SCFD2: variants seen among roughly 807,000 people sequenced by gnomAD.
SCFD2 encodes sec1 family domain containing 2, also known as sec1 family domain-containing protein 2.
In SCFD2, 54 loss-of-function variants were observed where a neutral mutation model predicts 58.9. The observed-to-expected ratio is 0.92, with a 90% CI of 0.74 to 1.15. SCFD2 has a LOEUF of 1.15. SCFD2 is among the 50% of genes most tolerant of loss of function. The pLI, the probability that SCFD2 is intolerant of heterozygous loss-of-function variation, is 0.00. For missense variants in SCFD2, 805 were observed against 836.6 expected (o/e 0.96, Z 0.47); for synonymous variants, 321 against 335.9 (o/e 0.96, Z 0.49).
intron 5 of SCFD2, among the ~76,000 whole-genome samples, chr4:53,121,571 T>C (rs1338955038): frequency 6.6e-6 from 1 of 152,206 alleles, no homozygotes; most frequent in Non-Finnish European, 1.5e-5. Flanking sequence ...ATTGGGAACA[T>C]GCTGTTATGG....
chr4:53,307,304 T>C (rs1372078724), intron 3 of SCFD2, among the ~76,000 whole-genome samples: 2 of 152,214 alleles, frequency 1.3e-5, no homozygotes, highest in Non-Finnish European at 2.9e-5. Context: ...ATAAATAGCA[T>C]GCTTAGACAT....
intron 6 of SCFD2, among the ~76,000 whole-genome samples, chr4:52,916,669 C>T (rs1242474846): frequency 6.6e-6 from 1 of 152,220 alleles, no homozygotes; most frequent in African/African-American, 2.4e-5. Flanking sequence ...ACAAACACAA[C>T]CTTTTAAAAC....
chr4:53,124,570 T>C (rs567786921), intron 5 of SCFD2, among the ~76,000 whole-genome samples: 15 of 152,334 alleles, frequency 9.8e-5, no homozygotes, highest in African/African-American at 3.4e-4. Flanking sequence ...ATTTGGCTTA[T>C]CGGGATTAGA....
At chr4:53,003,690 A>C (rs1207450945) in intron 5 of SCFD2, among the ~76,000 whole-genome samples, 1 of 152,232 alleles carries the variant, frequency 6.6e-6, no homozygotes, top group Non-Finnish European at 1.5e-5. Context: ...GGGGTCAAGG[A>C]ATATCTCCCA....
At position 53,147,387 on chromosome 4, in the gene SCFD2, A is replaced by G. The variant is rs138368980; in HGVS notation, c.1312-1805T>C. ...TTTCCACACCTGGAAAAATTTGGAT[A>G]GATCATCTCAAGGTTAAGGTTCACG... On this transcript the variant is annotated intron_variant, in intron 4 of 8. Coordinates refer to ENST00000401642, the MANE Select transcript of SCFD2 (RefSeq NM_152540.4). 5.2e-3 allele frequency among the ~76,000 whole-genome samples: 794 copies of G among 152,376 alleles called. 6 individuals carry two copies. The highest frequency in any genetic ancestry group is 9.7e-3 in the Non-Finnish European group (658 of 68,036).
intron 4 of SCFD2, among the ~76,000 whole-genome samples, chr4:53,153,112 T>G (rs529724670): frequency 1.9e-4 from 29 of 152,322 alleles, no homozygotes; most frequent in African/African-American, 6.7e-4. Flanking sequence ...GTCTGGAGGA[T>G]GGTGCCCTCC....
intron 3 of SCFD2, among the ~76,000 whole-genome samples, chr4:53,277,352 G>T (rs1186208055): frequency 1.3e-5 from 2 of 152,142 alleles, no homozygotes; most frequent in Non-Finnish European, 2.9e-5. Context: ...ACTTAAGATT[G>T]CCATGAGCTC....
chr4:53,042,977 C>T (rs774715375), intron 5 of SCFD2, among the ~76,000 whole-genome samples: 1 of 152,058 alleles, frequency 6.6e-6, no homozygotes, highest in African/African-American at 2.4e-5. Flanking sequence ...CCAGAAAGCA[C>T]GTGAAACTTT....
intron 3 of SCFD2, among the ~76,000 whole-genome samples, chr4:53,305,145 T>C (rs1732472048): frequency 6.6e-6 from 1 of 152,288 alleles, no homozygotes; most frequent in South Asian, 2.1e-4. Flanking sequence ...GGCTGAATAA[T>C]ATTTCATTAT....
chr4:53,029,550 A>G (rs895747671), intron 5 of SCFD2, among the ~76,000 whole-genome samples: 2 of 152,234 alleles, frequency 1.3e-5, no homozygotes, highest in Non-Finnish European at 2.9e-5. Context: ...TGACTTCATT[A>G]AGCTATAAAC....
intron 4 of SCFD2, among the ~76,000 whole-genome samples, chr4:53,197,462 C>T (rs1472535605): frequency 2.0e-5 from 3 of 152,030 alleles, no homozygotes; most frequent in Non-Finnish European, 2.9e-5. Flanking sequence ...TTCATAAAGA[C>T]TTAACTATGT....
intron 5 of SCFD2, among the ~76,000 whole-genome samples, chr4:53,137,822 G>T (rs1725987302): frequency 6.6e-6 from 1 of 152,134 alleles, no homozygotes; most frequent in Non-Finnish European, 1.5e-5. Flanking sequence ...TAATATTAAA[G>T]TCTTGTTTTC....
At chr4:53,340,662 C>T (rs1401108957) in intron 2 of SCFD2, among the ~76,000 whole-genome samples, 2 of 152,216 alleles carry the variant, frequency 1.3e-5, no homozygotes. Context: ...AGACTACCTC[C>T]TCAAGTGTGT....
chr4:52,883,472 A>G (rs1048160052), intron 8 of SCFD2, among the ~76,000 whole-genome samples: 1 of 152,216 alleles, frequency 6.6e-6, no homozygotes, highest in African/African-American at 2.4e-5. Flanking sequence ...GCTGATCCTT[A>G]AGCTCAAAAT....
chr4:53,286,974 T>C (rs1462382248), intron 3 of SCFD2, among the ~76,000 whole-genome samples: 1 of 152,142 alleles, frequency 6.6e-6, no homozygotes, highest in East Asian at 1.9e-4. Context: ...CTGTTGGCTC[T>C]GGAATCCAAA....
At chr4:53,011,166 T>C (rs1455066903) in intron 5 of SCFD2, among the ~76,000 whole-genome samples, 1 of 152,228 alleles carries the variant, frequency 6.6e-6, no homozygotes, top group Non-Finnish European at 1.5e-5. Flanking sequence ...GTATTCTTTC[T>C]ATGAGGATAG....
chr4:53,210,876 G>T (rs1319574563), intron 4 of SCFD2, among the ~76,000 whole-genome samples: 1 of 151,890 alleles, frequency 6.6e-6, no homozygotes, highest in South Asian at 2.1e-4. Flanking sequence ...TCTGTTGTGG[G>T]TCTTAAGACC....
intron 4 of SCFD2, among the ~76,000 whole-genome samples, chr4:53,261,630 T>C (rs1295609957): frequency 6.6e-6 from 1 of 152,210 alleles, no homozygotes; most frequent in East Asian, 1.9e-4. Flanking sequence ...GAGACTTGTT[T>C]TGTGGCCTAT....
At chr4:53,337,297 AAT>A (rs1733715528) in intron 2 of SCFD2, among the ~76,000 whole-genome samples, 1 of 152,176 alleles carries the variant, frequency 6.6e-6, no homozygotes, top group Non-Finnish European at 1.5e-5. Context: ...CACCAGTCAG[AAT>A]TGGATTAGGG....
Sources: gnomAD v4.1 joint callset for allele counts (sites outside exome capture counted in the v4.1 genomes callset) on GRCh38, gnomAD v4.1.1 for gene constraint, MANE v1.5 for transcripts, NCBI Gene and HGNC (gene_info 2026-07-23, HGNC 2026-07-21) for gene names.